Variants in DAP3 observed in about 807,000 individuals in gnomAD.
DAP3 encodes small ribosomal subunit protein mS29.
A neutral mutation model predicts 51.9 loss-of-function variants in DAP3; 28 were observed. The ratio of observed to expected loss-of-function variants is 0.54; its 90% CI spans 0.40 to 0.74. The LOEUF (loss-of-function observed/expected upper bound fraction) is 0.74. Ranked by LOEUF, DAP3 falls within the 30% of genes least tolerant of loss-of-function variation. The pLI, the probability that DAP3 is intolerant of heterozygous loss-of-function variation, is 0.00. For synonymous variants in DAP3, 170 were observed against 170.3 expected (o/e 1.00, Z 0.01); for missense variants, 458 against 483.5 (o/e 0.95, Z 0.49).
intron 1 of DAP3, among the ~76,000 whole-genome samples, chr1:155,708,744 G>A (rs1380017808): frequency 8.0e-5 from 11 of 138,010 alleles, no homozygotes; most frequent in Non-Finnish European, 1.4e-4. Flanking sequence ...TTGCTCTGTC[G>A]CCCAGGCTGG....
chr1:155,698,567 T>A (rs2149117504), intron 1 of DAP3, among the ~76,000 whole-genome samples: 1 of 152,298 alleles, frequency 6.6e-6, no homozygotes, highest in East Asian at 1.9e-4. Context: ...AAGCCTCCAG[T>A]GCTGTACACA....
intron 2 of DAP3, among the ~76,000 whole-genome samples, chr1:155,712,436 A>T (rs1212543535): frequency 1.3e-5 from 2 of 152,092 alleles, no homozygotes; most frequent in Non-Finnish European, 2.9e-5. Context: ...AACATGGAGA[A>T]ACTCCGTCAC....
At chr1:155,701,051 TG>T (rs200734357) in intron 1 of DAP3, among the ~76,000 whole-genome samples, 1,419 of 74,338 alleles carry the variant, frequency 0.019, 25 homozygotes, top group African/African-American at 0.12. Flanking sequence ...GGGAGGGAGG[TG>T]GGGGGGGGTC....
Position 155,732,163 on chromosome 1 carries a change from C to CTAAAGGGCATA in DAP3, c.993+131_993+132insAAAGGGCATAT, listed in dbSNP as rs1303696947. The CTAAAGGGCATA allele has an allele frequency of 2.5e-5, 16 of 651,216 alleles. 1 individual carries two copies. Among genetic ancestry groups the CTAAAGGGCATA allele is most frequent in the Non-Finnish European group, 3.5e-5 (14 of 400,968 alleles). The allele number at this position is 651,216 out of a possible 1,614,324, so 40.3% of individuals were successfully genotyped here. Reference sequence around the variant, plus strand: ...AATCATATTCCTGTATGCCCTTCCCCTGGATTCCTAAAATATTAACTTGAT... The same window carrying CTAAAGGGCATA: ...AATCATATTCCTGTATGCCCTTCCCCTAAAGGGCATATGGATTCCTAAAATATTAACTTGAT... On this transcript the variant is annotated intron_variant, in intron 11 of 12. Coordinates refer to ENST00000368336, the MANE Select transcript of DAP3 (RefSeq NM_004632.4).
upstream of DAP3, chr1:155,688,748 C>A (rs560678874): frequency 6.6e-7 from 1 of 1,517,288 alleles, no homozygotes; most frequent in South Asian, 1.2e-5. Context: ...GCCGCCAAAG[C>A]AGCCGCCGCC....
At chr1:155,697,293 C>T (rs1654655077) in intron 1 of DAP3, among the ~76,000 whole-genome samples, 1 of 152,152 alleles carries the variant, frequency 6.6e-6, no homozygotes, top group South Asian at 2.1e-4. Flanking sequence ...CCATTCCGGA[C>T]ATTTCTCTGA....
At chr1:155,697,129 A>G (rs1461014903) in intron 1 of DAP3, among the ~76,000 whole-genome samples, 1 of 152,114 alleles carries the variant, frequency 6.6e-6, no homozygotes, top group Non-Finnish European at 1.5e-5. Context: ...AGTTTTTCTG[A>G]GGGAGCGGCC....
chr1:155,688,414 C>T, upstream of DAP3: 1 of 1,545,428 alleles, frequency 6.5e-7, no homozygotes, highest in Non-Finnish European at 8.7e-7. Flanking sequence ...TCCCACTCCT[C>T]CCTCCTCGCG....
chr1:155,729,994 C>T lies in DAP3; in HGVS notation c.843+628C>T, dbSNP rs914936382. Among the ~76,000 whole-genome samples the T allele has an allele frequency of 5.3e-5, 8 of 151,328 alleles. No homozygotes were observed. In the East Asian group the frequency reaches 7.8e-4, roughly 15 times the overall value. On this transcript the variant is annotated intron_variant, in intron 9 of 12. Coordinates refer to ENST00000368336, the MANE Select transcript of DAP3 (RefSeq NM_004632.4). ...ACTCGGGAGGCTGAGGCAGGAGAAT[C>T]GCTTGAACCCAGGAGGCGGAGGTTG...
intron 1 of DAP3, among the ~76,000 whole-genome samples, chr1:155,705,019 C>T (rs1233080246): frequency 2.0e-5 from 3 of 151,932 alleles, no homozygotes; most frequent in Non-Finnish European, 4.4e-5. Context: ...AGGCCAAGTG[C>T]GATGGCTCAT....
At chr1:155,717,199 GA>G in intron 3 of DAP3, 71 bp downstream of exon 3, 1 of 1,575,686 alleles carries the variant, frequency 6.3e-7, no homozygotes, top group Non-Finnish European at 8.6e-7. Context: ...TTTTGCATAG[GA>G]AAACTGAAAC....
intron 3 of DAP3, among the ~76,000 whole-genome samples, chr1:155,720,877 A>T (rs1048382839): frequency 1.3e-5 from 2 of 152,084 alleles, no homozygotes; most frequent in Admixed American, 1.3e-4. Context: ...TCTCTACTAA[A>T]AATACAAAAA....
intron 1 of DAP3, among the ~76,000 whole-genome samples, chr1:155,690,982 A>G (rs1386487098): frequency 2.1e-5 from 3 of 141,914 alleles, no homozygotes; most frequent in East Asian, 1.9e-4. Flanking sequence ...ATCTCGGCTC[A>G]CTGCAAGCTC....
chr1:155,701,065 C>T lies in DAP3; in HGVS notation c.-7-8708C>T, dbSNP rs1571445609. Among the ~76,000 whole-genome samples the T allele has an allele frequency of 3.8e-5, 5 of 131,054 alleles. No homozygotes were observed. In the South Asian group the frequency reaches 1.2e-3, roughly 31 times the overall value. 86.0% of individuals were successfully genotyped at this position (131,054 alleles called of 152,430 possible). A position where few individuals can be genotyped will look rare whatever the true frequency, so the allele number is the denominator to read the frequency against. Reference sequence around the variant, plus strand: ...CGGGAGGGAGGTGGGGGGGGGTCAGCCCCCCTGCCTGGCCAGCCGCCCCGT... The same window carrying T: ...CGGGAGGGAGGTGGGGGGGGGTCAGTCCCCCTGCCTGGCCAGCCGCCCCGT... On this transcript the variant is annotated intron_variant, in intron 1 of 12. Coordinates refer to ENST00000368336, the MANE Select transcript of DAP3 (RefSeq NM_004632.4).
At chr1:155,731,319 C>A (rs758802079) in intron 9 of DAP3, 37 bp from the exon 10 acceptor site, 21 of 1,597,892 alleles carry the variant, frequency 1.3e-5, no homozygotes, top group Non-Finnish European at 1.7e-5. Flanking sequence ...AGGAAAGGCA[C>A]GTGATGATCT....
chr1:155,693,168 AT>A (rs1654073282), intron 1 of DAP3, among the ~76,000 whole-genome samples: 1 of 141,904 alleles, frequency 7.0e-6, no homozygotes, highest in Non-Finnish European at 1.5e-5. Flanking sequence ...ATGTTTTCAC[AT>A]CAAACGTGGA....
rs888721872 is a variant in DAP3 at position 155,706,197 on chromosome 1, C to T, written c.-7-3576C>T. Among the ~76,000 whole-genome samples, 5 of 152,120 alleles carry T rather than the reference C, an allele frequency of 3.3e-5. No individual in the cohort carries two copies. The South Asian group carries it at 6.2e-4, about 19-fold the overall frequency. ...TTTTTTCTTTTGTTTGTGGAATTGG[C>T]GGTCTTACTATGTACCCAAGCTGGT... On this transcript the variant is annotated intron_variant, in intron 1 of 12. Coordinates refer to ENST00000368336, the MANE Select transcript of DAP3 (RefSeq NM_004632.4).
intron 11 of DAP3, among the ~76,000 whole-genome samples, chr1:155,734,604 C>T (rs80179066): frequency 0.067 from 10,246 of 152,196 alleles, 447 homozygotes; most frequent in African/African-American, 0.12. Flanking sequence ...TTAGAGGAGA[C>T]TGGTATTTAG....
rs768765455 is a variant in DAP3, at chr1:155,717,038, C to G, written c.78C>G (p.Thr26=). ...CTGGGCGTTTTTTACACATGGGGAC[C>G]CAGGCTCGCCAAAGCATTGCTGCTC... The part of the protein sequence containing the change: ...LDPGRFLHMG[T]QARQSIAAHL... The change falls in exon 3 of 13, where the codon ACC becomes ACG. Residue 26 remains threonine (T), a synonymous_variant. Transcript: ENST00000368336. 1.2e-5 allele frequency: 20 copies of G among 1,614,014 alleles called. No individual in the cohort carries two copies. The highest frequency in any genetic ancestry group is 1.4e-5 in the Non-Finnish European group (17 of 1,180,012).
Sources: allele counts gnomAD v4.1 joint callset (sites outside exome capture counted in the v4.1 genomes callset), GRCh38; gene constraint gnomAD v4.1.1; transcripts MANE v1.5; gene names NCBI Gene and HGNC (gene_info 2026-07-23, HGNC 2026-07-21).